Variants in ASXL2 observed in about 807,000 individuals in gnomAD.
ASXL2 encodes putative Polycomb group protein ASXL2.
ASXL2 carries 23 observed loss-of-function variants against 122.0 expected under a neutral mutation model. That is an observed-to-expected ratio of 0.19 (90% confidence interval 0.14 to 0.27). The LOEUF (loss-of-function observed/expected upper bound fraction) is 0.27, where lower values mean the gene tolerates loss of function less well. Ranked by LOEUF, ASXL2 falls within the 10% of genes least tolerant of loss-of-function variation. ASXL2 has a pLI of 1.00. For missense variants in ASXL2, 1,518 were observed against 1,713.8 expected (o/e 0.89, Z 2.02); for synonymous variants, 650 against 637.0 (o/e 1.02, Z -0.31).
intron 5 of ASXL2, among the ~76,000 whole-genome samples, chr2:25,777,202 C>A (rs1243796761): frequency 2.0e-5 from 3 of 152,138 alleles, no homozygotes; most frequent in Non-Finnish European, 4.4e-5. Flanking sequence ...AATCTCCTAC[C>A]TTCGCCTCCT....
At chr2:25,858,334 C>G (rs2089804427) in intron 1 of ASXL2, among the ~76,000 whole-genome samples, 1 of 151,902 alleles carries the variant, frequency 6.6e-6, no homozygotes, top group Admixed American at 6.6e-5. Flanking sequence ...ATGGCCTCTC[C>G]ATCACAAACC....
chr2:25,815,307 C>G (rs1013641317), intron 3 of ASXL2, among the ~76,000 whole-genome samples: 5 of 152,072 alleles, frequency 3.3e-5, no homozygotes, highest in African/African-American at 1.2e-4. Flanking sequence ...TCTCTGCCAG[C>G]CTACTCTACC....
chr2:25,765,129 T>C (rs2088321399), intron 8 of ASXL2, among the ~76,000 whole-genome samples: 1 of 152,238 alleles, frequency 6.6e-6, no homozygotes, highest in Non-Finnish European at 1.5e-5. Context: ...GTATTTTATA[T>C]AAATTAGCTA....
intron 5 of ASXL2, among the ~76,000 whole-genome samples, chr2:25,788,168 G>A (rs1257506419): frequency 1.3e-5 from 2 of 152,148 alleles, no homozygotes; most frequent in African/African-American, 4.8e-5. Flanking sequence ...CCTACGGGGT[G>A]AAAGGAATAA....
At position 25,741,610 on chromosome 2, in the gene ASXL2, T is replaced by C; in HGVS notation, c.*419A>G. The C allele has an allele frequency of 4.0e-6, 1 of 252,104 alleles. No homozygotes were observed. The highest frequency in any genetic ancestry group is 1.2e-4 in the South Asian group (1 of 8,436). The allele number at this position is 252,104 out of a possible 1,614,324, so 15.6% of individuals were successfully genotyped here. ...TCATTTCTTTAGACCATTCCTTCAC[T>C]TTCCTTTTCCTAGCTTCCTAGGAAA... On this transcript the variant is annotated 3_prime_UTR_variant, in exon 13 of 13. Transcript: ENST00000435504.
chr2:25,797,590 C>T (rs1310220555), intron 5 of ASXL2, among the ~76,000 whole-genome samples: 2 of 152,168 alleles, frequency 1.3e-5, no homozygotes, highest in African/African-American at 2.4e-5. Flanking sequence ...ACTGATGAGA[C>T]ATCTCACGAA....
chr2:25,855,932 C>T (rs1044057482), intron 1 of ASXL2, among the ~76,000 whole-genome samples: 5 of 146,494 alleles, frequency 3.4e-5, no homozygotes, highest in Non-Finnish European at 6.1e-5. Context: ...CTCGCTCTGT[C>T]GGCCAGGCTG....
intron 4 of ASXL2, among the ~76,000 whole-genome samples, chr2:25,802,840 GC>G (rs1236113883): frequency 6.6e-6 from 1 of 152,184 alleles, no homozygotes; most frequent in African/African-American, 2.4e-5. Context: ...TTGAGATTTA[GC>G]TGATCACGGC....
At chr2:25,756,739 T>C (rs998838314) in intron 9 of ASXL2, among the ~76,000 whole-genome samples, 1 of 152,234 alleles carries the variant, frequency 6.6e-6, no homozygotes, top group African/African-American at 2.4e-5. Context: ...TACTCAACTC[T>C]GCCACTGTAG....
intron 3 of ASXL2, among the ~76,000 whole-genome samples, chr2:25,818,235 G>A (rs892769981): frequency 3.3e-5 from 5 of 152,306 alleles, no homozygotes; most frequent in East Asian, 3.9e-4. Flanking sequence ...GCTGGGCCAC[G>A]CAGTGGCTCA....
At chr2:25,777,883 TA>T (rs2088574122) in intron 5 of ASXL2, among the ~76,000 whole-genome samples, 1 of 152,200 alleles carries the variant, frequency 6.6e-6, no homozygotes, top group Non-Finnish European at 1.5e-5. Flanking sequence ...ATCCTTATGA[TA>T]TTTTTCTATG....
Position 25,773,319 on chromosome 2 carries a change from T to C in ASXL2, c.404-1779A>G, listed in dbSNP as rs181985870. On this transcript the variant is annotated intron_variant, in intron 5 of 12. Transcript: ENST00000435504. ...GGAAAAGAGCTGATGTACAAAAAGC[T>C]TGATGTTTAAAAATGGAGTTGAATA... 3.4e-3 allele frequency among the ~76,000 whole-genome samples: 520 copies of C among 152,150 alleles called. 1 individual carries two copies. The highest frequency in any genetic ancestry group is 5.3e-3 in the Non-Finnish European group (359 of 67,998).
At position 25,783,141 on chromosome 2, in the gene ASXL2, T is replaced by C. The variant is rs527636920; in HGVS notation, c.404-11601A>G. On this transcript the variant is annotated intron_variant, in intron 5 of 12. Coordinates refer to ENST00000435504, the MANE Select transcript of ASXL2 (RefSeq NM_018263.6). Reference sequence around the variant, plus strand: ...GAGACTCTGTCTCAAAATAAATAAATAAATAAAAATTAAAAAATAAAAATA... The same window carrying C: ...GAGACTCTGTCTCAAAATAAATAAACAAATAAAAATTAAAAAATAAAAATA... Among the ~76,000 whole-genome samples, 79 of 151,924 alleles carry C rather than the reference T, an allele frequency of 5.2e-4. 1 individual carries two copies. The highest frequency in any genetic ancestry group is 1.9e-3 in the African/African-American group (78 of 41,458).
Position 25,753,036 on chromosome 2 carries a change from T to G in ASXL2, c.1142+498A>C, listed in dbSNP as rs2088072131. Among the ~76,000 whole-genome samples the G allele has an allele frequency of 1.2e-4, 18 of 151,924 alleles. No individual in the cohort carries two copies. The South Asian group carries it at 3.7e-3, about 32-fold the overall frequency. ...AGGCTGGAGTGCAATGGCACCATCT[T>G]GGCTCACCACAACCTCTGCCTCACA... On this transcript the variant is annotated intron_variant, in intron 11 of 12. Coordinates refer to ENST00000435504, the MANE Select transcript of ASXL2 (RefSeq NM_018263.6).
chr2:25,772,935 G>A (rs142789182), intron 5 of ASXL2, among the ~76,000 whole-genome samples: 76 of 152,214 alleles, frequency 5.0e-4, no homozygotes, highest in African/African-American at 1.7e-3. Context: ...TTGGCCGGGC[G>A]TGGTGGCTAA....
At chr2:25,797,415 A>C (rs750142051) in intron 5 of ASXL2, among the ~76,000 whole-genome samples, 21 of 152,246 alleles carry the variant, frequency 1.4e-4, no homozygotes, top group Non-Finnish European at 2.8e-4. Flanking sequence ...ACTGTACTCC[A>C]GCCTGGGCAA....
chr2:25,822,453 C>T, intron 3 of ASXL2: 1 of 436,942 alleles, frequency 2.3e-6, no homozygotes, highest in South Asian at 2.3e-5. Context: ...TCGCCCGTCC[C>T]CCTGCCCTGT....
Position 25,856,870 on chromosome 2 carries a change from C to A in ASXL2, c.58-11307G>T. The A allele has an allele frequency of 3.9e-6, 3 of 770,516 alleles. No homozygotes were observed. In the South Asian group the frequency reaches 4.7e-5, roughly 12 times the overall value. 47.7% of individuals were successfully genotyped at this position (770,516 alleles called of 1,614,324 possible). A position where few individuals can be genotyped will look rare whatever the true frequency, so the allele number is the denominator to read the frequency against. On this transcript the variant is annotated intron_variant, in intron 1 of 12. Coordinates refer to ENST00000435504, the MANE Select transcript of ASXL2 (RefSeq NM_018263.6). ...AGGAACGAGGTCCAAGTGGCCCAGT[C>A]ATTCTGGTCAAAGGGGTCCTCGATG... is the stretch of plus-strand genomic sequence containing the variant.
chr2:25,867,386 T>C (rs1233690963), intron 1 of ASXL2, among the ~76,000 whole-genome samples: 3 of 151,954 alleles, frequency 2.0e-5, no homozygotes, highest in East Asian at 1.9e-4. Flanking sequence ...GGAATAAGGA[T>C]AGATTGAGGC....
Sources: allele counts gnomAD v4.1 joint callset (sites outside exome capture counted in the v4.1 genomes callset), GRCh38; gene constraint gnomAD v4.1.1; transcripts MANE v1.5; gene names NCBI Gene and HGNC (gene_info 2026-07-23, HGNC 2026-07-21).